The following GXYLT2 variants were observed in gnomAD, a reference collection of about 807,000 sequenced individuals.
The protein encoded by GXYLT2 is glucoside xylosyltransferase 2.
Under a neutral mutation model 45.8 loss-of-function variants are expected in GXYLT2, and 53 were observed. The ratio of observed to expected loss-of-function variants is 1.16; its 90% confidence interval spans 0.93 to 1.46. The LOEUF is 1.46. Ranked by LOEUF, GXYLT2 falls within the 40% of genes most tolerant of loss-of-function variation. The pLI is 0.00. For synonymous variants in GXYLT2, 219 were observed against 214.2 expected (o/e 1.02, Z -0.19); for missense variants, 551 against 544.4 (o/e 1.01, Z -0.12).
intron 3 of GXYLT2, among the ~76,000 whole-genome samples, chr3:72,932,151 C>T (rs932828913): frequency 1.3e-5 from 2 of 151,176 alleles, no homozygotes; most frequent in African/African-American, 2.4e-5. Flanking sequence ...CTTCTGGGTT[C>T]AAGCAATTCT....
At chr3:72,964,006 C>T (rs1232635445) in intron 5 of GXYLT2, among the ~76,000 whole-genome samples, 1 of 151,726 alleles carries the variant, frequency 6.6e-6, no homozygotes, top group Non-Finnish European at 1.5e-5. Flanking sequence ...ACGGGAGTCT[C>T]GCTGTGTTGC....
chr3:72,896,616 A>C (rs140124081), intron 1 of GXYLT2, among the ~76,000 whole-genome samples: 1,559 of 152,264 alleles, frequency 0.01, 18 homozygotes, highest in African/African-American at 0.035. Context: ...TGGGAGGCTG[A>C]GGCGGGCAGA....
At chr3:72,920,720 T>C (rs2107099253) in intron 2 of GXYLT2, among the ~76,000 whole-genome samples, 1 of 152,010 alleles carries the variant, frequency 6.6e-6, no homozygotes, top group East Asian at 1.9e-4. Flanking sequence ...GAAACCACCA[T>C]CACCAGCTAT....
intron 6 of GXYLT2, among the ~76,000 whole-genome samples, chr3:72,971,168 T>C (rs1164200269): frequency 1.3e-5 from 2 of 152,118 alleles, no homozygotes; most frequent in African/African-American, 2.4e-5. Flanking sequence ...AGTTGAGCAG[T>C]TGTGGTTCTT....
chr3:72,935,846 C>A (rs1710166513), intron 3 of GXYLT2, among the ~76,000 whole-genome samples: 1 of 152,104 alleles, frequency 6.6e-6, no homozygotes, highest in African/African-American at 2.4e-5. Context: ...TCTGTAATTC[C>A]TTCTGTGAGT....
At chr3:72,974,881 C>A in intron 6 of GXYLT2, 96 bp from the exon 7 acceptor site, 1 of 918,740 alleles carries the variant, frequency 1.1e-6, no homozygotes, top group South Asian at 1.7e-5. Flanking sequence ...TGCCTGTGGG[C>A]TTATCGTAAT....
Position 72,928,081 on chromosome 3 carries a change from T to A in GXYLT2, c.600+5746T>A, listed in dbSNP as rs574726689. ...GCTACTCCATAAGCATAATGATTGC[T>A]CAAAGCAGCCTGAAATCCAAATTCT... On this transcript the variant is annotated intron_variant, in intron 3 of 6. Coordinates refer to ENST00000389617, the MANE Select transcript of GXYLT2 (RefSeq NM_001080393.2). 4.6e-5 allele frequency among the ~76,000 whole-genome samples: 7 copies of A among 152,286 alleles called. No individual in the cohort carries two copies. The East Asian group carries it at 1.3e-3, about 29-fold the overall frequency.
In GXYLT2 at chr3:72,932,817, T is replaced by G. The variant is rs73838422; in HGVS notation, c.600+10482T>G. Among the ~76,000 whole-genome samples, 225 of 152,326 alleles carry G rather than the reference T, an allele frequency of 1.5e-3. 1 individual carries two copies. Among genetic ancestry groups the G allele is most frequent in the African/African-American group, 5.3e-3 (219 of 41,568 alleles). On this transcript the variant is annotated intron_variant, in intron 3 of 6. Transcript: ENST00000389617. ...GTAATAGCCACAGTGTTAGGAAGCATTTAATGGAGACAAATTAATTTGAGA... is the reference window on the plus strand; with the variant it reads ...GTAATAGCCACAGTGTTAGGAAGCAGTTAATGGAGACAAATTAATTTGAGA...
chr3:72,899,524 A>C (rs1462255021), intron 1 of GXYLT2, among the ~76,000 whole-genome samples: 2 of 152,312 alleles, frequency 1.3e-5, no homozygotes, highest in East Asian at 3.9e-4. Context: ...CCTTAGTGTC[A>C]TGTGTGGGTT....
At chr3:72,926,240 C>T (rs1359827611) in intron 3 of GXYLT2, among the ~76,000 whole-genome samples, 1 of 152,194 alleles carries the variant, frequency 6.6e-6, no homozygotes, top group Non-Finnish European at 1.5e-5. Context: ...AATATCAGAG[C>T]ATAAGTCTTT....
At chr3:72,947,626 CT>C (rs1415077708) in intron 3 of GXYLT2, among the ~76,000 whole-genome samples, 2 of 152,094 alleles carry the variant, frequency 1.3e-5, no homozygotes, top group Non-Finnish European at 2.9e-5. Context: ...ATGGTGAAAC[CT>C]TGCCTCTACT....
At chr3:72,921,766 A>G (rs1051828477) in intron 2 of GXYLT2, among the ~76,000 whole-genome samples, 1 of 152,268 alleles carries the variant, frequency 6.6e-6, no homozygotes, top group East Asian at 1.9e-4. Context: ...TAGTTCTGTC[A>G]TACTTAATTG....
intron 3 of GXYLT2, among the ~76,000 whole-genome samples, chr3:72,936,755 C>T (rs1004182945): frequency 6.6e-6 from 1 of 152,168 alleles, no homozygotes; most frequent in Non-Finnish European, 1.5e-5. Flanking sequence ...TATTGCTACT[C>T]ATTTTGTGGC....
In GXYLT2 at chr3:72,936,662, AC is replaced by A. The variant is rs1448748363; in HGVS notation, c.600+14328del. ...CTCAAAAAACAACAACAACAAAAAA[AC>A]AACAAAAAAAAACCGAAACAAATTA... On this transcript the variant is annotated intron_variant, in intron 3 of 6. Transcript: ENST00000389617. 1.5e-4 allele frequency among the ~76,000 whole-genome samples: 9 copies of A among 60,850 alleles called. No homozygotes were observed. In the South Asian group the frequency reaches 3.5e-3, roughly 24 times the overall value. The allele number at this position is 60,850 out of a possible 152,430, so 39.9% of individuals were successfully genotyped here.
intron 5 of GXYLT2, among the ~76,000 whole-genome samples, chr3:72,960,418 G>A (rs1364878881): frequency 6.6e-6 from 1 of 152,224 alleles, no homozygotes; most frequent in African/African-American, 2.4e-5. Flanking sequence ...GTCGTAAGCA[G>A]CTTTGCAATT....
chr3:72,930,806 C>T (rs770424153), intron 3 of GXYLT2, among the ~76,000 whole-genome samples: 11 of 151,946 alleles, frequency 7.2e-5, no homozygotes, highest in Non-Finnish European at 1.6e-4. Flanking sequence ...GTTGCCCAGG[C>T]TGGTCTCGAA....
chr3:72,923,486 T>C (rs1709867648), intron 3 of GXYLT2, among the ~76,000 whole-genome samples: 1 of 152,100 alleles, frequency 6.6e-6, no homozygotes, highest in Admixed American at 6.6e-5. Context: ...AAAAGATATT[T>C]CAAAAGTGAG....
intron 2 of GXYLT2, among the ~76,000 whole-genome samples, chr3:72,916,405 C>G (rs1028152014): frequency 6.6e-6 from 1 of 151,520 alleles, no homozygotes; most frequent in East Asian, 1.9e-4. Flanking sequence ...CCAGGCTGGT[C>G]CCTAACTCCT....
At chr3:72,923,828 G>A (rs1294535471) in intron 3 of GXYLT2, among the ~76,000 whole-genome samples, 3 of 152,152 alleles carry the variant, frequency 2.0e-5, no homozygotes, top group Non-Finnish European at 2.9e-5. Flanking sequence ...ATGGGGTCTC[G>A]CTATATTGCT....
Sources: allele counts gnomAD v4.1 joint callset (sites outside exome capture counted in the v4.1 genomes callset), GRCh38; gene constraint gnomAD v4.1.1; transcripts MANE v1.5; gene names NCBI Gene and HGNC (gene_info 2026-07-23, HGNC 2026-07-21).